RBFOX1: variants seen among roughly 807,000 people sequenced by gnomAD.
RBFOX1 encodes the protein RNA binding fox-1 homolog 1.
Under a neutral mutation model 57.7 loss-of-function variants are expected in RBFOX1, and 8 were observed. The observed-to-expected ratio is 0.14, with a 90% CI of 0.08 to 0.25. The LOEUF (loss-of-function observed/expected upper bound fraction) is 0.25, where lower values mean the gene tolerates loss of function less well. RBFOX1 is among the 10% of genes least tolerant of loss of function. The pLI is 1.00. For synonymous variants in RBFOX1, 326 were observed against 222.4 expected (o/e 1.47, Z -4.15); for missense variants, 611 against 548.5 (o/e 1.11, Z -1.14).
chr16:6,980,511 A>G (rs1194340972), intron 3 of RBFOX1, among the ~76,000 whole-genome samples: 3 of 152,198 alleles, frequency 2.0e-5, no homozygotes, highest in Non-Finnish European at 4.4e-5. Flanking sequence ...CCCACTGGTT[A>G]TCCATGAACA....
At chr16:7,411,244 A>T (rs947823310) in intron 4 of RBFOX1, among the ~76,000 whole-genome samples, 17 of 26,652 alleles carry the variant, frequency 6.4e-4, no homozygotes, top group Non-Finnish European at 1.1e-3. Context: ...TGGCCAATCA[A>T]CTTTGAATTC....
intron 3 of RBFOX1, among the ~76,000 whole-genome samples, chr16:6,792,803 G>A (rs1282536288): frequency 2.0e-5 from 3 of 152,278 alleles, no homozygotes; most frequent in Non-Finnish European, 4.4e-5. Flanking sequence ...GGCCGAGGCA[G>A]ATGGATCATG....
chr16:6,503,787 A>C (rs566921476), intron 2 of RBFOX1, among the ~76,000 whole-genome samples: 101 of 152,286 alleles, frequency 6.6e-4, no homozygotes, highest in Non-Finnish European at 1.1e-3. Flanking sequence ...CGATGGAGGA[A>C]GCTTCACACT....
intron 2 of RBFOX1, among the ~76,000 whole-genome samples, chr16:6,519,137 C>G (rs1351209555): frequency 1.3e-5 from 2 of 151,988 alleles, no homozygotes; most frequent in African/African-American, 2.4e-5. Context: ...CCAAGCCAGC[C>G]AAATGTCTCT....
intron 2 of RBFOX1, among the ~76,000 whole-genome samples, chr16:6,524,451 C>A (rs1445636309): frequency 1.3e-5 from 2 of 152,134 alleles, no homozygotes; most frequent in East Asian, 3.9e-4. Context: ...TACCGTAGTT[C>A]TACAAACTCA....
Position 7,025,589 on chromosome 16 carries a change from C to G in RBFOX1, c.-15-26468C>G, listed in dbSNP as rs191227431. Among the ~76,000 whole-genome samples the G allele has an allele frequency of 3.7e-4, 57 of 152,230 alleles. 1 individual carries two copies. Among genetic ancestry groups the G allele is most frequent in the African/African-American group, 1.3e-3 (53 of 41,536 alleles). ...AGATTGTGCAGTGTGCATTTGCATG[C>G]TTCTCAGCCTCAGAGCTAAGGAGAC... On this transcript the variant is annotated intron_variant, in intron 3 of 15. Transcript: ENST00000550418.
intron 3 of RBFOX1, among the ~76,000 whole-genome samples, chr16:5,671,191 G>A (rs2050002683): frequency 6.6e-6 from 1 of 152,170 alleles, no homozygotes; most frequent in Non-Finnish European, 1.5e-5. Context: ...TAAGCTAGGA[G>A]GTTTTCTTTG....
intron 3 of RBFOX1, among the ~76,000 whole-genome samples, chr16:7,027,361 A>AT (rs954646394): frequency 2.0e-5 from 3 of 152,166 alleles, no homozygotes; most frequent in African/African-American, 2.4e-5. Context: ...TGCTTAAAGT[A>AT]TTTTTTAGAT....
intron 2 of RBFOX1, among the ~76,000 whole-genome samples, chr16:5,474,833 T>C (rs1218953739): frequency 6.6e-6 from 1 of 152,218 alleles, no homozygotes; most frequent in Non-Finnish European, 1.5e-5. Flanking sequence ...GGCCAAATAT[T>C]GTCCCGTACA....
intron 1 of RBFOX1, among the ~76,000 whole-genome samples, chr16:5,406,033 C>G (rs1314856258): frequency 6.6e-6 from 1 of 152,104 alleles, no homozygotes; most frequent in Non-Finnish European, 1.5e-5. Flanking sequence ...TTAGTTGAAG[C>G]CACTTTTATC....
At chr16:7,029,010 T>G (rs1201700478) in intron 3 of RBFOX1, among the ~76,000 whole-genome samples, 4 of 140,958 alleles carry the variant, frequency 2.8e-5, no homozygotes. Flanking sequence ...ACTAACGGTT[T>G]CTAGTAATGC....
chr16:6,487,661 C>T (rs987450102), intron 2 of RBFOX1, among the ~76,000 whole-genome samples: 1 of 104,018 alleles, frequency 9.6e-6, no homozygotes, highest in Non-Finnish European at 1.8e-5. Flanking sequence ...CCAAAGATGG[C>T]AGTGATATAT....
At chr16:6,250,240 A>G (rs1254813630) in intron 1 of RBFOX1, among the ~76,000 whole-genome samples, 1 of 152,088 alleles carries the variant, frequency 6.6e-6, no homozygotes, top group Non-Finnish European at 1.5e-5. Flanking sequence ...TTCTGTTTCT[A>G]GTCCTGTGTC....
chr16:5,925,966 T>C (rs2058932400), intron 4 of RBFOX1, among the ~76,000 whole-genome samples: 1 of 152,096 alleles, frequency 6.6e-6, no homozygotes, highest in Non-Finnish European at 1.5e-5. Context: ...TTACCTTTCC[T>C]ATTGTCTATT....
chr16:6,031,259 G>A (rs939880447), intron 1 of RBFOX1, among the ~76,000 whole-genome samples: 10 of 152,056 alleles, frequency 6.6e-5, no homozygotes, highest in South Asian at 6.2e-4. Flanking sequence ...TCAGAAGCCC[G>A]GGGGAGGAAG....
At chr16:5,457,024 C>T (rs952641943) in intron 1 of RBFOX1, among the ~76,000 whole-genome samples, 1 of 152,168 alleles carries the variant, frequency 6.6e-6, no homozygotes, top group Non-Finnish European at 1.5e-5. Context: ...GCTGGGAATT[C>T]CAAGATTGAG....
intron 4 of RBFOX1, among the ~76,000 whole-genome samples, chr16:7,139,786 C>G (rs769406103): frequency 6.6e-6 from 1 of 151,922 alleles, no homozygotes; most frequent in African/African-American, 2.4e-5. Flanking sequence ...CATCGGTGAG[C>G]TTTCAGGGGG....
intron 3 of RBFOX1, among the ~76,000 whole-genome samples, chr16:5,693,346 T>A (rs1181457852): frequency 7.4e-6 from 1 of 134,752 alleles, no homozygotes; most frequent in Admixed American, 8.2e-5. Flanking sequence ...ATGACTATTT[T>A]AAAAGCATAT....
intron 1 of RBFOX1, among the ~76,000 whole-genome samples, chr16:6,044,738 C>G (rs1041229097): frequency 1.3e-5 from 2 of 152,118 alleles, no homozygotes; most frequent in African/African-American, 4.8e-5. Flanking sequence ...CCAGGAAAAC[C>G]AAATAACACA....
Sources: allele counts gnomAD v4.1 joint callset (sites outside exome capture counted in the v4.1 genomes callset), GRCh38; gene constraint gnomAD v4.1.1; transcripts MANE v1.5; gene names NCBI Gene and HGNC (gene_info 2026-07-23, HGNC 2026-07-21).